The following TTLL7 variants were observed in gnomAD, a reference collection of about 807,000 sequenced individuals.
TTLL7 encodes tubulin polyglutamylase TTLL7.
TTLL7 carries 53 observed loss-of-function variants against 120.2 expected under a neutral mutation model. The ratio of observed to expected loss-of-function variants is 0.44; its 90% confidence interval spans 0.35 to 0.55. The LOEUF is 0.55. Ranked by LOEUF, TTLL7 falls within the 20% of genes least tolerant of loss-of-function variation. TTLL7 has a pLI of 0.00. For missense variants in TTLL7, 803 were observed against 1,054.7 expected (o/e 0.76, Z 3.31); for synonymous variants, 353 against 351.7 (o/e 1.00, Z -0.04).
At chr1:83,948,970 A>T in intron 4 of TTLL7, 1 of 256,572 alleles carries the variant, frequency 3.9e-6, no homozygotes, top group South Asian at 9.6e-5. Flanking sequence ...TGATAATTCA[A>T]TATCCAAATT....
intron 18 of TTLL7, among the ~76,000 whole-genome samples, chr1:83,897,129 G>C (rs966061792): frequency 6.6e-6 from 1 of 151,902 alleles, no homozygotes; most frequent in Non-Finnish European, 1.5e-5. Context: ...ACAGAAAAAA[G>C]GAAAGCATGT....
At position 83,944,915 on chromosome 1, in the gene TTLL7, A is replaced by T. The variant is rs189242342; in HGVS notation, c.506+2209T>A. Among the ~76,000 whole-genome samples, 4 of 152,352 alleles carry T rather than the reference A, an allele frequency of 2.6e-5. No homozygotes were observed. In the East Asian group the frequency reaches 7.7e-4, roughly 29 times the overall value. On this transcript the variant is annotated intron_variant, in intron 6 of 20. Coordinates refer to ENST00000260505, the MANE Select transcript of TTLL7 (RefSeq NM_024686.6). ...AACAAAGTTTTTATACACTACTGAA[A>T]CTAAGTTGGTAGTAATATAGACTGG... is the stretch of plus-strand genomic sequence containing the variant.
At chr1:83,982,811 T>C (rs901599747) in intron 1 of TTLL7, among the ~76,000 whole-genome samples, 12 of 152,060 alleles carry the variant, frequency 7.9e-5, no homozygotes, top group Non-Finnish European at 1.8e-4. Context: ...ATTTGAAAAT[T>C]CATATAGAAC....
Position 83,925,720 on chromosome 1 carries a change from C to T in TTLL7, c.1142+3416G>A, listed in dbSNP as rs371374071. 4.3e-4 allele frequency among the ~76,000 whole-genome samples: 66 copies of T among 152,274 alleles called. 1 individual carries two copies. The South Asian group carries it at 0.013, about 30-fold the overall frequency. On this transcript the variant is annotated intron_variant, in intron 10 of 20. Transcript: ENST00000260505. The stretch of plus-strand genomic sequence containing the variant: ...ACTGGATAATTACCATTGTATTGTA[C>T]TTATCTATGAGCATATATATTTCCC...
At chr1:83,883,862 T>G (rs1654733416) in intron 19 of TTLL7, among the ~76,000 whole-genome samples, 1 of 151,914 alleles carries the variant, frequency 6.6e-6, no homozygotes, top group Non-Finnish European at 1.5e-5. Context: ...CATAACTATA[T>G]CCATGATATT....
At chr1:83,906,179 G>C in intron 17 of TTLL7, 150 bp downstream of exon 17, 2 of 646,930 alleles carry the variant, frequency 3.1e-6, no homozygotes, top group Non-Finnish European at 5.2e-6. Context: ...ATAAACCCCT[G>C]TATTTTCTAA....
intron 19 of TTLL7, among the ~76,000 whole-genome samples, chr1:83,884,141 A>G (rs536337377): frequency 4.6e-5 from 7 of 151,286 alleles, no homozygotes; most frequent in Non-Finnish European, 7.4e-5. Context: ...AGGGAGGGAG[A>G]GAGAGAGAGA....
At chr1:83,998,490 C>G (rs1204976264) in intron 1 of TTLL7, among the ~76,000 whole-genome samples, 1 of 152,240 alleles carries the variant, frequency 6.6e-6, no homozygotes, top group Non-Finnish European at 1.5e-5. Flanking sequence ...GGGCCCTAGA[C>G]TTCACTCGCA....
At chr1:83,946,812 T>C (rs1453705293) in intron 6 of TTLL7, among the ~76,000 whole-genome samples, 1 of 152,194 alleles carries the variant, frequency 6.6e-6, no homozygotes, top group Non-Finnish European at 1.5e-5. Context: ...TCCAAGCCTA[T>C]TGAAATTATT....
chr1:83,990,699 A>C lies in TTLL7; in HGVS notation c.-177+8232T>G, dbSNP rs555421900. Among the ~76,000 whole-genome samples, 48 of 152,356 alleles carry C rather than the reference A, an allele frequency of 3.2e-4. 1 individual carries two copies. The highest frequency in any genetic ancestry group is 1.3e-4 in the Admixed American group (2 of 15,306). ...ACAGCTACAATCAAAATATCACAAA[A>C]TAAGTGGCAAGGTTGAGGAGAAATT... On this transcript the variant is annotated intron_variant, in intron 1 of 20. Coordinates refer to ENST00000260505, the MANE Select transcript of TTLL7 (RefSeq NM_024686.6).
At chr1:83,972,687 G>A (rs547641749) in intron 1 of TTLL7, among the ~76,000 whole-genome samples, 1 of 152,166 alleles carries the variant, frequency 6.6e-6, no homozygotes, top group African/African-American at 2.4e-5. Flanking sequence ...TTTCATTCCT[G>A]CCAGCAATGA....
At chr1:83,967,292 C>A (rs1048317689) in intron 1 of TTLL7, among the ~76,000 whole-genome samples, 4 of 150,336 alleles carry the variant, frequency 2.7e-5, no homozygotes, top group African/African-American at 4.9e-5. Flanking sequence ...AGGACAACAA[C>A]AACCACCTTT....
intron 18 of TTLL7, among the ~76,000 whole-genome samples, chr1:83,900,699 C>T (rs929703220): frequency 3.9e-5 from 6 of 151,950 alleles, no homozygotes; most frequent in South Asian, 4.1e-4. Flanking sequence ...ATCTTTTACA[C>T]GTTCAGGCAA....
At chr1:83,877,561 G>C (rs1048294204) in intron 20 of TTLL7, among the ~76,000 whole-genome samples, 3 of 151,846 alleles carry the variant, frequency 2.0e-5, no homozygotes, top group Non-Finnish European at 4.4e-5. Context: ...CTTTTGTTTG[G>C]TAGTATGTGT....
At chr1:83,958,023 T>A (rs1162354249) in intron 1 of TTLL7, among the ~76,000 whole-genome samples, 1 of 152,158 alleles carries the variant, frequency 6.6e-6, no homozygotes, top group Non-Finnish European at 1.5e-5. Context: ...TTAAACTCTA[T>A]CCTGAGCTTG....
intron 9 of TTLL7, among the ~76,000 whole-genome samples, chr1:83,933,288 T>C (rs929958685): frequency 4.6e-5 from 7 of 152,240 alleles, no homozygotes; most frequent in Non-Finnish European, 1.0e-4. Flanking sequence ...GAACTCATGA[T>C]GTGGTAGAAG....
At chr1:83,900,756 C>A (rs913804832) in intron 18 of TTLL7, among the ~76,000 whole-genome samples, 1 of 151,986 alleles carries the variant, frequency 6.6e-6, no homozygotes, top group Admixed American at 6.6e-5. Context: ...TGACTCATAA[C>A]ATTATGAACA....
At position 83,892,207 on chromosome 1, in the gene TTLL7, C is replaced by CAT. The variant is rs1232325001; in HGVS notation, c.2209-1728_2209-1727dup. 6.3e-5 allele frequency among the ~76,000 whole-genome samples: 9 copies of CAT among 142,906 alleles called. No homozygotes were observed. In the East Asian group the frequency reaches 1.8e-3, roughly 29 times the overall value. The allele number at this position is 142,906 out of a possible 152,430, so 93.8% of individuals were successfully genotyped here. On this transcript the variant is annotated intron_variant, in intron 18 of 20. Transcript: ENST00000260505. ...AATACACATAAACATTATATATACA[C>CAT]ATATATATGAATATATATGTGTATA...
At chr1:83,976,202 T>G (rs146682845) in intron 1 of TTLL7, among the ~76,000 whole-genome samples, 37 of 152,126 alleles carry the variant, frequency 2.4e-4, no homozygotes, top group Middle Eastern at 3.4e-3. Flanking sequence ...AGAAATGTTA[T>G]TCATTTTCTA....
Sources: gnomAD v4.1 joint callset for allele counts (sites outside exome capture counted in the v4.1 genomes callset) on GRCh38, gnomAD v4.1.1 for gene constraint, MANE v1.5 for transcripts, NCBI Gene and HGNC (gene_info 2026-07-23, HGNC 2026-07-21) for gene names.